The following PBX3 variants were observed in gnomAD, a reference collection of about 807,000 sequenced individuals.
PBX3 encodes pre-B-cell leukemia transcription factor 3.
PBX3 carries 14 observed loss-of-function variants against 48.5 expected under a neutral mutation model. The ratio of observed to expected loss-of-function variants is 0.29; its 90% CI spans 0.19 to 0.45. PBX3 has a LOEUF of 0.45. PBX3 is among the 20% of genes least tolerant of loss of function. The pLI, the probability that PBX3 is intolerant of heterozygous loss-of-function variation, is 1.00. For missense variants in PBX3, 386 were observed against 546.7 expected (o/e 0.71, Z 2.93); for synonymous variants, 210 against 200.3 (o/e 1.05, Z -0.41).
At chr9:125,909,351 A>T (rs1841149816) in intron 2 of PBX3, among the ~76,000 whole-genome samples, 1 of 152,204 alleles carries the variant, frequency 6.6e-6, no homozygotes, top group Non-Finnish European at 1.5e-5. Context: ...AGGATTTTTA[A>T]GAAGTCTTTT....
chr9:125,884,410 G>A (rs910948055), intron 2 of PBX3, among the ~76,000 whole-genome samples: 12 of 152,182 alleles, frequency 7.9e-5, no homozygotes, highest in African/African-American at 2.7e-4. Flanking sequence ...TGCATTCATA[G>A]GTTCTGTTGG....
chr9:125,792,798 A>G (rs964663922), intron 2 of PBX3, among the ~76,000 whole-genome samples: 1 of 150,550 alleles, frequency 6.6e-6, no homozygotes, highest in Non-Finnish European at 1.5e-5. Context: ...TCCTGGGTTC[A>G]AGCAATTCTC....
rs556869444 is a variant in PBX3 at position 125,780,564 on chromosome 9, G to T, written c.274+31941G>T. Among the ~76,000 whole-genome samples the T allele has an allele frequency of 2.2e-4, 29 of 129,478 alleles. 1 individual carries two copies. Among genetic ancestry groups the T allele is most frequent in the Middle Eastern group, 0.013 (2 of 156 alleles). 84.9% of individuals were successfully genotyped at this position (129,478 alleles called of 152,430 possible). ...ACGGGGTGGCTGGCGAGGCAGAGGG[G>T]CTCCTCACTTCCCAGTAGGGGAGGC... is the stretch of plus-strand genomic sequence containing the variant. On this transcript the variant is annotated intron_variant, in intron 2 of 8. Transcript: ENST00000373489.
At chr9:125,767,813 C>T (rs1198647648) in intron 2 of PBX3, among the ~76,000 whole-genome samples, 1 of 152,148 alleles carries the variant, frequency 6.6e-6, no homozygotes, top group African/African-American at 2.4e-5. Flanking sequence ...GTTCTACAAA[C>T]ACTCAGACCA....
intron 3 of PBX3, among the ~76,000 whole-genome samples, chr9:125,923,276 T>C (rs1289148076): frequency 3.3e-5 from 5 of 152,350 alleles, no homozygotes; most frequent in African/African-American, 1.2e-4. Context: ...ACAGCTAATA[T>C]CTCAGGTGTC....
intron 2 of PBX3, among the ~76,000 whole-genome samples, chr9:125,760,419 A>G: frequency 6.6e-6 from 1 of 152,094 alleles, no homozygotes; most frequent in African/African-American, 2.4e-5. Context: ...TTTTTGAGAC[A>G]TAGGAGAAGA....
At chr9:125,817,977 C>T (rs1053077489) in intron 2 of PBX3, among the ~76,000 whole-genome samples, 3 of 152,094 alleles carry the variant, frequency 2.0e-5, no homozygotes, top group South Asian at 4.1e-4. Flanking sequence ...CCGAGGCGGA[C>T]GGATCACGAG....
At chr9:125,764,063 T>C (rs531190666) in intron 2 of PBX3, among the ~76,000 whole-genome samples, 76 of 152,350 alleles carry the variant, frequency 5.0e-4, no homozygotes, top group African/African-American at 1.8e-3. Context: ...GAAATTGTAT[T>C]AATGCTGCTT....
chr9:125,779,941 AC>A (rs1293671866), intron 2 of PBX3, among the ~76,000 whole-genome samples: 1 of 68,246 alleles, frequency 1.5e-5, no homozygotes, highest in Non-Finnish European at 2.6e-5. Context: ...CGGGGGGCTG[AC>A]CCCCCACCTC....
intron 2 of PBX3, among the ~76,000 whole-genome samples, chr9:125,784,985 C>G (rs1344988759): frequency 6.6e-6 from 1 of 152,236 alleles, no homozygotes; most frequent in Non-Finnish European, 1.5e-5. Flanking sequence ...AAGAAACATT[C>G]TCCCTTCGCT....
chr9:125,830,668 T>G (rs1408757927), intron 2 of PBX3, among the ~76,000 whole-genome samples: 2 of 152,196 alleles, frequency 1.3e-5, no homozygotes, highest in Non-Finnish European at 2.9e-5. Flanking sequence ...TACTGGGCTC[T>G]TTATGTACTA....
intron 4 of PBX3, among the ~76,000 whole-genome samples, chr9:125,933,482 A>G (rs1210963213): frequency 3.3e-5 from 5 of 152,106 alleles, no homozygotes; most frequent in Non-Finnish European, 7.4e-5. Context: ...GCTTTTCTAG[A>G]TATATTTCTT....
rs76046352 is a variant in PBX3 at position 125,823,525 on chromosome 9, A to G, written c.274+74902A>G. Among the ~76,000 whole-genome samples, 760 of 152,100 alleles carry G rather than the reference A, an allele frequency of 5.0e-3. 9 individuals carry two copies. The highest frequency in any genetic ancestry group is 0.018 in the African/African-American group (732 of 41,468). ...GTTAATATGGTCCTTTTTAAGGAGG[A>G]TAAATTACTTTTTTTTTTGGTAATA... On this transcript the variant is annotated intron_variant, in intron 2 of 8. Coordinates refer to ENST00000373489, the MANE Select transcript of PBX3 (RefSeq NM_006195.6).
chr9:125,918,891 G>C (rs1841392909), intron 3 of PBX3, among the ~76,000 whole-genome samples: 4 of 152,196 alleles, frequency 2.6e-5, no homozygotes, highest in Non-Finnish European at 5.9e-5. Flanking sequence ...GGTCCTTTCA[G>C]AGACATGCTT....
Position 125,966,068 on chromosome 9 carries a change from T to C in PBX3, c.*145T>C. The C allele has an allele frequency of 1.9e-6, 1 of 538,266 alleles. No homozygotes were observed. The highest frequency in any genetic ancestry group is 3.3e-6 in the Non-Finnish European group (1 of 300,154). 33.3% of individuals were successfully genotyped at this position (538,266 alleles called of 1,614,324 possible). On this transcript the variant is annotated 3_prime_UTR_variant, in exon 9 of 9. Coordinates refer to ENST00000373489, the MANE Select transcript of PBX3 (RefSeq NM_006195.6). Reference sequence around the variant, plus strand: ...ATTCGAGAACTTGGTAAATCTGTTTTTTAAGGAATCATAATCATTTGTATT... The same window carrying C: ...ATTCGAGAACTTGGTAAATCTGTTTCTTAAGGAATCATAATCATTTGTATT...
intron 2 of PBX3, 59 bp from the exon 3 acceptor site, chr9:125,915,627 C>G: frequency 7.6e-7 from 1 of 1,310,546 alleles, no homozygotes; most frequent in Non-Finnish European, 1.1e-6. Flanking sequence ...AATACTCACA[C>G]TATTTGTCCT....
intron 5 of PBX3, among the ~76,000 whole-genome samples, chr9:125,942,951 CA>C (rs1322482722): frequency 6.6e-6 from 1 of 152,130 alleles, no homozygotes; most frequent in East Asian, 1.9e-4. Context: ...CAATCAGTAC[CA>C]TGATTGGTGT....
intron 2 of PBX3, among the ~76,000 whole-genome samples, chr9:125,899,214 CATATGTATATATATTTATATATAAAT>C (rs1840849205): frequency 8.6e-6 from 1 of 116,028 alleles, no homozygotes; most frequent in South Asian, 2.6e-4. Context: ...TATAAATATA[CATATGTATATATATTTATATATAAAT>C]ATACATATGT....
At chr9:125,760,433 G>T (rs1836635561) in intron 2 of PBX3, among the ~76,000 whole-genome samples, 2 of 151,934 alleles carry the variant, frequency 1.3e-5, no homozygotes, top group African/African-American at 2.4e-5. Flanking sequence ...GAGAAGAAAA[G>T]AATCTGATGT....
Sources: gnomAD v4.1 joint callset for allele counts (sites outside exome capture counted in the v4.1 genomes callset) on GRCh38, gnomAD v4.1.1 for gene constraint, MANE v1.5 for transcripts, NCBI Gene and HGNC (gene_info 2026-07-23, HGNC 2026-07-21) for gene names.